LRP1B: variants seen among roughly 807,000 people sequenced by gnomAD.
LRP1B encodes LDL receptor related protein 1B, also known as low-density lipoprotein receptor-related protein 1B.
In LRP1B, 217 loss-of-function variants were observed where a neutral mutation model predicts 556.6. The ratio of observed to expected loss-of-function variants is 0.39; its 90% CI spans 0.35 to 0.44. The LOEUF (loss-of-function observed/expected upper bound fraction) is 0.44. Ranked by LOEUF, LRP1B falls within the 20% of genes least tolerant of loss-of-function variation. The pLI is 1.00. For synonymous variants in LRP1B, 2,047 were observed against 1,865.8 expected, an observed-to-expected ratio of 1.10 and a Z score of -2.50; for missense variants, 5,053 against 5,620.8, an observed-to-expected ratio of 0.90 and a Z score of 3.23.
chr2:141,233,887 T>A (rs1683561470), intron 5 of LRP1B, among the ~76,000 whole-genome samples: 1 of 152,008 alleles, frequency 6.6e-6, no homozygotes, highest in African/African-American at 2.4e-5. Flanking sequence ...TATATGTATA[T>A]CATCTAGTTG....
chr2:140,516,433 T>C (rs560058758), intron 50 of LRP1B, among the ~76,000 whole-genome samples: 1 of 142,434 alleles, frequency 7.0e-6, no homozygotes, highest in African/African-American at 2.4e-5. Flanking sequence ...TAGGCTGCTT[T>C]ATATAAGGGA....
At chr2:141,528,495 TG>T (rs1684766021) in intron 2 of LRP1B, among the ~76,000 whole-genome samples, 1 of 152,128 alleles carries the variant, frequency 6.6e-6, no homozygotes, top group Non-Finnish European at 1.5e-5. Context: ...TCCCCTGCAA[TG>T]GAGCAGTCAT....
At chr2:140,640,224 C>A (rs1201087415) in intron 41 of LRP1B, among the ~76,000 whole-genome samples, 1 of 129,334 alleles carries the variant, frequency 7.7e-6, no homozygotes. Flanking sequence ...GATCTCCTGA[C>A]TCGTGATCCA....
chr2:141,453,043 T>C (rs532892481), intron 3 of LRP1B, among the ~76,000 whole-genome samples: 248 of 152,076 alleles, frequency 1.6e-3, no homozygotes, highest in African/African-American at 5.8e-3. Context: ...CGAGACCAGG[T>C]TGGCCAACAT....
At chr2:141,794,828 G>A (rs559638267) in intron 2 of LRP1B, among the ~76,000 whole-genome samples, 1 of 152,144 alleles carries the variant, frequency 6.6e-6, no homozygotes, top group African/African-American at 2.4e-5. Flanking sequence ...GAAATTATAT[G>A]TCAAAAATGT....
At chr2:140,612,861 G>A (rs1308240835) in intron 41 of LRP1B, among the ~76,000 whole-genome samples, 1 of 151,910 alleles carries the variant, frequency 6.6e-6, no homozygotes, top group Admixed American at 6.6e-5. Context: ...TTTAGGAAGT[G>A]GAAGATTACC....
At chr2:140,771,984 G>A (rs959819897) in intron 33 of LRP1B, among the ~76,000 whole-genome samples, 1 of 152,058 alleles carries the variant, frequency 6.6e-6, no homozygotes, top group Non-Finnish European at 1.5e-5. Flanking sequence ...TTGTTCAATC[G>A]AACCTGTCAT....
intron 7 of LRP1B, among the ~76,000 whole-genome samples, chr2:141,097,594 A>C (rs1369833411): frequency 6.6e-6 from 1 of 152,142 alleles, no homozygotes; most frequent in Non-Finnish European, 1.5e-5. Flanking sequence ...TCTACCTTCT[A>C]CAAACTTAAA....
In LRP1B at chr2:141,645,975, A is replaced by G. The variant is rs530076482; in HGVS notation, c.205+164304T>C. Among the ~76,000 whole-genome samples, 8 of 152,276 alleles carry G rather than the reference A, an allele frequency of 5.3e-5. No homozygotes were observed. The South Asian group carries it at 1.0e-3, about 20-fold the overall frequency. On this transcript the variant is annotated intron_variant, in intron 2 of 90. Coordinates refer to ENST00000389484, the MANE Select transcript of LRP1B (RefSeq NM_018557.3). ...ATAAGTTCTTATCAATTTTTATAAG[A>G]GACGCAACCCCACAGGATTTAAACT...
At chr2:141,850,571 A>G (rs1212745926) in intron 1 of LRP1B, among the ~76,000 whole-genome samples, 1 of 147,196 alleles carries the variant, frequency 6.8e-6, no homozygotes, top group Non-Finnish European at 1.5e-5. Context: ...GTGTGTGTGT[A>G]TATGTGTGTA....
At chr2:141,965,798 C>CAAA (rs201872645) in intron 1 of LRP1B, among the ~76,000 whole-genome samples, 1 of 98,620 alleles carries the variant, frequency 1.0e-5, no homozygotes, top group African/African-American at 3.9e-5. Context: ...AATATGTATC[C>CAAA]AAAAAAAAAA....
intron 35 of LRP1B, among the ~76,000 whole-genome samples, chr2:140,753,220 T>C (rs1355795935): frequency 6.6e-6 from 1 of 152,178 alleles, no homozygotes; most frequent in East Asian, 1.9e-4. Flanking sequence ...TACTTAACAA[T>C]TGATGTTCAG....
chr2:140,351,346 GT>G (rs1681950598), intron 76 of LRP1B, among the ~76,000 whole-genome samples: 1 of 151,734 alleles, frequency 6.6e-6, no homozygotes, highest in South Asian at 2.1e-4. Flanking sequence ...AATACACTAG[GT>G]TATAATGCAT....
chr2:141,172,979 G>A (rs1341774519), intron 7 of LRP1B, among the ~76,000 whole-genome samples: 1 of 151,126 alleles, frequency 6.6e-6, no homozygotes, highest in Non-Finnish European at 1.5e-5. Context: ...ATTGGGATGT[G>A]ACTAATGATT....
chr2:140,586,559 G>C (rs1187684182), intron 43 of LRP1B: 3 of 152,270 alleles, frequency 2.0e-5, no homozygotes, highest in Non-Finnish European at 4.4e-5. Flanking sequence ...GCTCACTGGA[G>C]GGTCAGGACT....
intron 43 of LRP1B, among the ~76,000 whole-genome samples, chr2:140,565,869 G>A (rs1271404355): frequency 6.6e-6 from 1 of 152,066 alleles, no homozygotes; most frequent in Non-Finnish European, 1.5e-5. Flanking sequence ...GTAAACAAAA[G>A]GATCCCAGTA....
intron 6 of LRP1B, among the ~76,000 whole-genome samples, chr2:141,204,340 AATAACACTGAGGC>A (rs777615448): frequency 2.6e-4 from 39 of 152,306 alleles, no homozygotes; most frequent in Admixed American, 5.9e-4. Context: ...TACTTCCAGG[AATAACACTGAGGC>A]ATCCTGAAAG....
intron 6 of LRP1B, among the ~76,000 whole-genome samples, chr2:141,215,302 C>T (rs1428244430): frequency 1.3e-5 from 2 of 152,186 alleles, no homozygotes; most frequent in South Asian, 2.1e-4. Context: ...GTACAGCCTG[C>T]AGAACCATGA....
chr2:141,685,476 A>G (rs894997221), intron 2 of LRP1B, among the ~76,000 whole-genome samples: 2 of 152,080 alleles, frequency 1.3e-5, no homozygotes, highest in African/African-American at 4.8e-5. Context: ...TACTAAACTG[A>G]GTAATGCCCA....
Sources: allele counts gnomAD v4.1 joint callset (sites outside exome capture counted in the v4.1 genomes callset), GRCh38; gene constraint gnomAD v4.1.1; transcripts MANE v1.5; gene names NCBI Gene and HGNC (gene_info 2026-07-23, HGNC 2026-07-21).